Variants in ITGAM observed in about 807,000 individuals in gnomAD.
The protein encoded by ITGAM is integrin alpha-M.
A neutral mutation model predicts 137.5 loss-of-function variants in ITGAM; 79 were observed. That is an observed-to-expected ratio of 0.57 (90% CI 0.48 to 0.69). ITGAM has a LOEUF of 0.69. ITGAM is among the 30% of genes least tolerant of loss of function. The probability of loss-of-function intolerance (pLI) is 0.00; values close to 1 mark genes in which losing one functional copy is unlikely to be tolerated. For missense variants in ITGAM, 1,343 were observed against 1,483.5 expected (o/e 0.91, Z 1.56); for synonymous variants, 583 against 592.3 (o/e 0.98, Z 0.23).
At chr16:31,331,402 G>A (rs1318960346) in intron 29 of ITGAM, 127 bp downstream of exon 29, 1 of 700,152 alleles carries the variant, frequency 1.4e-6, no homozygotes, top group Non-Finnish European at 2.5e-6. Context: ...GCCTCTCTGC[G>A]CCTCAGTCTC....
In ITGAM at chr16:31,275,529, C is replaced by A; in HGVS notation, c.859-20C>A. ...TTGCTAGCCTCACACCATGATTTAG[C>A]CTCTGTTCCTTGGTAACAGGTGGGA... On this transcript the variant is annotated intron_variant, in intron 8 of 29. Coordinates refer to ENST00000544665, the MANE Select transcript of ITGAM (RefSeq NM_000632.4). 1 of 1,612,950 alleles carries A rather than the reference C, an allele frequency of 6.2e-7. No homozygotes were observed. The highest frequency in any genetic ancestry group is 8.5e-7 in the Non-Finnish European group (1 of 1,179,076).
chr16:31,274,410 C>T lies in ITGAM; in HGVS notation c.858+892C>T, dbSNP rs41471845. 8.6e-3 allele frequency among the ~76,000 whole-genome samples: 1,309 copies of T among 152,142 alleles called. 29 individuals carry two copies. Among genetic ancestry groups the T allele is most frequent in the African/African-American group, 0.03 (1,247 of 41,490 alleles). On this transcript the variant is annotated intron_variant, in intron 8 of 29. Coordinates refer to ENST00000544665, the MANE Select transcript of ITGAM (RefSeq NM_000632.4). Reference sequence around the variant, plus strand: ...GTCTTGCAAGGCAGAGTCTTTGATACGGCAGAGCCCTCGGCAGCAAATGCC... The same window carrying T: ...GTCTTGCAAGGCAGAGTCTTTGATATGGCAGAGCCCTCGGCAGCAAATGCC...
At chr16:31,297,006 G>C (rs1048809759) in intron 12 of ITGAM, among the ~76,000 whole-genome samples, 7 of 151,894 alleles carry the variant, frequency 4.6e-5, no homozygotes, top group Non-Finnish European at 8.8e-5. Context: ...ATATTGAAAG[G>C]GTGGTATTCT....
rs2080501563 is a variant in ITGAM at position 31,325,637 on chromosome 16, C to A, written c.2628+15C>A. On this transcript the variant is annotated intron_variant, in intron 21 of 29. Coordinates refer to ENST00000544665, the MANE Select transcript of ITGAM (RefSeq NM_000632.4). ...AAAACTCAGAGGTCAGAACTCCTGG[C>A]TCCTCCCCTCCTTTTCTCTTTGATT... is the stretch of plus-strand genomic sequence containing the variant. 6.2e-7 allele frequency: 1 copy of A among 1,605,684 alleles called. No individual in the cohort carries two copies. Among genetic ancestry groups the A allele is most frequent in the East Asian group, 2.2e-5 (1 of 44,854 alleles).
At chr16:31,327,544 A>T (rs747218236) in intron 22 of ITGAM, among the ~76,000 whole-genome samples, 5 of 151,984 alleles carry the variant, frequency 3.3e-5, no homozygotes, top group Non-Finnish European at 7.4e-5. Flanking sequence ...CAGTGAGCTG[A>T]GATGGTGCCA....
At chr16:31,264,091 C>T (rs962024133) in intron 2 of ITGAM, among the ~76,000 whole-genome samples, 4 of 151,976 alleles carry the variant, frequency 2.6e-5, no homozygotes, top group Non-Finnish European at 4.4e-5. Context: ...TTGCCTCGGC[C>T]TCCCAAAGTG....
chr16:31,288,989 C>A (rs1403339807), intron 12 of ITGAM, among the ~76,000 whole-genome samples: 6 of 152,292 alleles, frequency 3.9e-5, no homozygotes, highest in East Asian at 1.9e-4. Context: ...ATGCAGCCAA[C>A]AGACACATGA....
chr16:31,262,421 C>A (rs115281692), intron 2 of ITGAM, among the ~76,000 whole-genome samples: 7,074 of 141,820 alleles, frequency 0.05, 734 homozygotes, highest in African/African-American at 0.18. Context: ...TCTTTCCTTT[C>A]TGACATGGTC....
chr16:31,297,983 A>G (rs907403571), intron 14 of ITGAM, 29 bp downstream of exon 14: 1 of 1,558,330 alleles, frequency 6.4e-7, no homozygotes, highest in Non-Finnish European at 8.9e-7. Flanking sequence ...CCTTGTCATG[A>G]CAGTAGCCTC....
Position 31,321,609 on chromosome 16 carries a change from C to T in ITGAM, c.1984C>T (p.Arg662Trp), listed in dbSNP as rs200956800. The T allele has an allele frequency of 8.2e-5, 132 of 1,612,256 alleles. No individual in the cohort carries two copies. The African/African-American group carries it at 9.0e-4, about 11-fold the overall frequency. ...RVCLHVQKST[R>W]DRLREGQIQS... Reference sequence around the variant, plus strand: ...CTGCCTCCATGTCCAGAAGAGCACACGGGATCGGCTAAGAGAAGGTGAGGC... The same window carrying T: ...CTGCCTCCATGTCCAGAAGAGCACATGGGATCGGCTAAGAGAAGGTGAGGC... Residue 662 changes from arginine to tryptophan, a missense_variant, in exon 16 of 30, where the codon CGG becomes TGG. Physicochemically the swap from Arg to Trp is moderately radical, Grantham distance 101. Transcript: ENST00000544665.
intron 12 of ITGAM, among the ~76,000 whole-genome samples, chr16:31,279,728 A>G (rs2079947554): frequency 6.6e-6 from 1 of 152,098 alleles, no homozygotes; most frequent in Non-Finnish European, 1.5e-5. Context: ...GCTGTGCAGA[A>G]GCTCTTTAGT....
intron 9 of ITGAM, among the ~76,000 whole-genome samples, chr16:31,276,393 G>A (rs545656657): frequency 6.6e-6 from 1 of 152,034 alleles, no homozygotes; most frequent in East Asian, 1.9e-4. Context: ...GTGCAGTGGT[G>A]CGATCTTGGC....
chr16:31,329,303 G>C lies in ITGAM; in HGVS notation c.2868G>C (p.Gln956His), dbSNP rs200897326. Reference protein sequence around the residue: ...NTSRVMQHQYQVSNLGQRSLP... With the variant: ...NTSRVMQHQYHVSNLGQRSLP... The stretch of plus-strand genomic sequence containing the variant: ...GTCGGGTCATGCAGCATCAATATCA[G>C]GTGGGCAGCTGGGACGTCTGGGTCC... Residue 956 changes from glutamine to histidine, a missense_variant and splice_region_variant, in exon 24 of 30, where the codon CAG becomes CAC. Physicochemically the swap from Gln to His is conservative, Grantham distance 24. Transcript: ENST00000544665. The C allele has an allele frequency of 1.9e-6, 3 of 1,608,052 alleles. No individual in the cohort carries two copies. Among genetic ancestry groups the C allele is most frequent in the Non-Finnish European group, 1.7e-6 (2 of 1,175,006 alleles).
chr16:31,282,837 GT>G (rs1297520451), intron 12 of ITGAM, among the ~76,000 whole-genome samples: 3 of 152,186 alleles, frequency 2.0e-5, no homozygotes, highest in Non-Finnish European at 4.4e-5. Context: ...AATTTGGTAT[GT>G]TTTTGCAGTG....
chr16:31,308,125 T>C (rs1468417858), intron 14 of ITGAM, among the ~76,000 whole-genome samples: 5 of 152,198 alleles, frequency 3.3e-5, no homozygotes, highest in African/African-American at 1.2e-4. Flanking sequence ...TTGTTGTGTG[T>C]CTGCCAGGCT....
intron 12 of ITGAM, among the ~76,000 whole-genome samples, chr16:31,290,245 G>A (rs1390227336): frequency 6.6e-6 from 1 of 152,084 alleles, no homozygotes; most frequent in Non-Finnish European, 1.5e-5. Context: ...CCAGGGGCTG[G>A]GGGTTGGACT....
chr16:31,291,375 T>C (rs2080085242), intron 12 of ITGAM, among the ~76,000 whole-genome samples: 1 of 152,184 alleles, frequency 6.6e-6, no homozygotes, highest in Admixed American at 6.5e-5. Flanking sequence ...TGCTGGATCA[T>C]GTGGTAGTTC....
intron 14 of ITGAM, among the ~76,000 whole-genome samples, chr16:31,314,559 T>C (rs974586561): frequency 6.6e-6 from 1 of 152,212 alleles, no homozygotes; most frequent in Non-Finnish European, 1.5e-5. Flanking sequence ...GTGATATTTC[T>C]GAGGCCTCTG....
intron 14 of ITGAM, among the ~76,000 whole-genome samples, chr16:31,308,446 TGTAGTATCCTCTGATG>T (rs2080288461): frequency 6.6e-6 from 1 of 152,210 alleles, no homozygotes; most frequent in Non-Finnish European, 1.5e-5. Flanking sequence ...TAGAGGTGTT[TGTAGTATCCTCTGATG>T]GTAGTTTGTA....
Sources: allele counts gnomAD v4.1 joint callset (sites outside exome capture counted in the v4.1 genomes callset), GRCh38; gene constraint gnomAD v4.1.1; transcripts MANE v1.5; gene names NCBI Gene and HGNC (gene_info 2026-07-23, HGNC 2026-07-21).